The following UBE3A variants were observed in gnomAD, a reference collection of about 807,000 sequenced individuals.
UBE3A encodes the protein ubiquitin-protein ligase E3A.
Under a neutral mutation model 83.4 loss-of-function variants are expected in UBE3A, and 6 were observed. The ratio of observed to expected loss-of-function variants is 0.07; its 90% CI spans 0.04 to 0.14. The LOEUF (loss-of-function observed/expected upper bound fraction) is 0.14. UBE3A is among the 10% of genes least tolerant of loss of function. UBE3A has a pLI of 1.00. For missense variants in UBE3A, 456 were observed against 1,036.1 expected (o/e 0.44, Z 7.69); for synonymous variants, 337 against 355.4 (o/e 0.95, Z 0.58).
chr15:25,418,226 C>A (rs912334307), intron 1 of UBE3A: 1 of 151,886 alleles, frequency 6.6e-6, no homozygotes, highest in Non-Finnish European at 1.5e-5. Context: ...TGTCAGCATG[C>A]GGCACATGAC....
rs1226533183 is a variant in UBE3A at position 25,338,115 on chromosome 15, T to C, written c.*1022A>G. On this transcript the variant is annotated 3_prime_UTR_variant, in exon 13 of 13. Coordinates refer to ENST00000648336, the MANE Select transcript of UBE3A (RefSeq NM_130839.5). Reference sequence around the variant, plus strand: ...CGATAAAATGGCTGATTCAACAAGATGATGGCAACACGAAGGGGAGACTTT... The same window carrying C: ...CGATAAAATGGCTGATTCAACAAGACGATGGCAACACGAAGGGGAGACTTT... 6.6e-6 allele frequency: 1 copy of C among 152,136 alleles called. No homozygotes were observed. The highest frequency in any genetic ancestry group is 2.1e-4 in the South Asian group (1 of 4,830). 9.4% of individuals were successfully genotyped at this position (152,136 alleles called of 1,614,324 possible).
chr15:25,420,732 T>C (rs1444872880), intron 1 of UBE3A: 5 of 152,212 alleles, frequency 3.3e-5, no homozygotes, highest in African/African-American at 1.2e-4. Flanking sequence ...GCAGTCACTG[T>C]GGAAAACAGT....
intron 6 of UBE3A, among the ~76,000 whole-genome samples, chr15:25,364,071 TA>T (rs1366756926): frequency 6.6e-6 from 1 of 150,522 alleles, no homozygotes; most frequent in African/African-American, 2.4e-5. Context: ...AATAAATAAA[TA>T]AAAAATAGTG....
intron 4 of UBE3A, among the ~76,000 whole-genome samples, chr15:25,376,600 C>A (rs2081261157): frequency 1.3e-5 from 2 of 152,010 alleles, no homozygotes; most frequent in African/African-American, 4.8e-5. Context: ...TGAAATTGCA[C>A]CACTGCACTC....
chr15:25,344,436 C>A (rs985963543), intron 11 of UBE3A, among the ~76,000 whole-genome samples: 1 of 152,088 alleles, frequency 6.6e-6, no homozygotes, highest in Admixed American at 6.5e-5. Context: ...ATGCCATTCT[C>A]CAACAATTTA....
chr15:25,408,864 T>C, intron 3 of UBE3A, among the ~76,000 whole-genome samples: 1 of 152,210 alleles, frequency 6.6e-6, no homozygotes. Context: ...AGAAATACTT[T>C]CCTGTTTATA....
At chr15:25,345,291 A>G (rs905868874) in intron 11 of UBE3A, among the ~76,000 whole-genome samples, 1 of 152,188 alleles carries the variant, frequency 6.6e-6, no homozygotes, top group Non-Finnish European at 1.5e-5. Flanking sequence ...CTGGGCCCTT[A>G]AAACACCCGA....
chr15:25,389,020 G>A (rs2083711545), intron 4 of UBE3A, among the ~76,000 whole-genome samples: 1 of 152,036 alleles, frequency 6.6e-6, no homozygotes, highest in African/African-American at 2.4e-5. Context: ...ACTCAATATT[G>A]ACAGAAAAAG....
chr15:25,350,481 G>A (rs12917607), intron 11 of UBE3A, among the ~76,000 whole-genome samples: 18,177 of 151,914 alleles, frequency 0.12, 1,170 homozygotes, highest in Middle Eastern at 0.23. Context: ...AAGACATACT[G>A]CTATATTTTA....
chr15:25,419,323 G>A (rs1222962231), intron 1 of UBE3A: 1 of 152,088 alleles, frequency 6.6e-6, no homozygotes, highest in Non-Finnish European at 1.5e-5. Context: ...AAGACAGGAT[G>A]GATAGATGGA....
chr15:25,377,597 A>C (rs1438973247), intron 4 of UBE3A, among the ~76,000 whole-genome samples: 4 of 152,214 alleles, frequency 2.6e-5, no homozygotes, highest in Admixed American at 6.5e-5. Flanking sequence ...ATGTTCTCCC[A>C]AACTACAGTG....
rs771390878 is a variant in UBE3A at position 25,356,680 on chromosome 15, A to T, written c.1959+11T>A. ...TAAGAGACTGAATTAAAAAAATGAC[A>T]AAGAACTTACTGGGTGAGAGTCTCC... On this transcript the variant is annotated intron_variant, in intron 8 of 12. Coordinates refer to ENST00000648336, the MANE Select transcript of UBE3A (RefSeq NM_130839.5). The T allele has an allele frequency of 4.5e-5, 72 of 1,611,200 alleles. No individual in the cohort carries two copies. The highest frequency in any genetic ancestry group is 5.6e-5 in the Non-Finnish European group (66 of 1,179,176).
chr15:25,339,632 G>A (rs2074394088), intron 12 of UBE3A: 2 of 273,314 alleles, frequency 7.3e-6, no homozygotes, highest in Non-Finnish European at 1.4e-5. Flanking sequence ...CTAAGGTGGA[G>A]AAAATACTCA....
At chr15:25,405,680 T>C in intron 3 of UBE3A, 178 bp from the exon 4 acceptor site, 1 of 653,892 alleles carries the variant, frequency 1.5e-6, no homozygotes. Flanking sequence ...ATACAACACA[T>C]TTATTTTAAG....
At position 25,344,450 on chromosome 15, in the gene UBE3A, G is replaced by GA. The variant is rs2075348814; in HGVS notation, c.2355-4223dup. Reference sequence around the variant, plus strand: ...AATGCCATTCTCCAACAATTTATTGGAAAAATAACTTATTCCAGGCCTGAG... The same window carrying GA: ...AATGCCATTCTCCAACAATTTATTGGAAAAAATAACTTATTCCAGGCCTGAG... On this transcript the variant is annotated intron_variant, in intron 11 of 12. Coordinates refer to ENST00000648336, the MANE Select transcript of UBE3A (RefSeq NM_130839.5). 2.6e-5 allele frequency among the ~76,000 whole-genome samples: 4 copies of GA among 152,006 alleles called. No homozygotes were observed. The South Asian group carries it at 8.3e-4, about 32-fold the overall frequency.
At chr15:25,339,468 T>G in intron 12 of UBE3A, 1 of 490,510 alleles carries the variant, frequency 2.0e-6, no homozygotes, top group Non-Finnish European at 3.5e-6. Context: ...GATAAGATAC[T>G]GTATCCATTG....
intron 1 of UBE3A, among the ~76,000 whole-genome samples, chr15:25,426,813 T>C (rs1047358820): frequency 7.3e-5 from 11 of 151,618 alleles, no homozygotes; most frequent in African/African-American, 2.7e-4. Context: ...AATATTTCAA[T>C]GTGGCTGGTT....
intron 4 of UBE3A, chr15:25,391,815 T>C (rs1210814775): frequency 3.9e-5 from 6 of 152,176 alleles, no homozygotes; most frequent in East Asian, 1.9e-4. Flanking sequence ...ACTGAAGCTT[T>C]TGGGGTAAAA....
At chr15:25,408,777 T>TA in intron 3 of UBE3A, 1 of 1,022,456 alleles carries the variant, frequency 9.8e-7, no homozygotes, top group South Asian at 1.9e-5. Flanking sequence ...AGGCATACTT[T>TA]AAAATGCATA....
Sources: gnomAD v4.1 joint callset for allele counts (sites outside exome capture counted in the v4.1 genomes callset) on GRCh38, gnomAD v4.1.1 for gene constraint, MANE v1.5 for transcripts, NCBI Gene and HGNC (gene_info 2026-07-23, HGNC 2026-07-21) for gene names.